Variants in WWC1 observed in about 807,000 individuals in gnomAD.
The protein encoded by WWC1 is protein KIBRA.
WWC1 carries 55 observed loss-of-function variants against 138.4 expected under a neutral mutation model. The observed-to-expected ratio is 0.40, with a 90% confidence interval of 0.32 to 0.50. The LOEUF (loss-of-function observed/expected upper bound fraction) is 0.50, where lower values mean the gene tolerates loss of function less well. WWC1 is among the 20% of genes least tolerant of loss of function. The pLI, the probability that WWC1 is intolerant of heterozygous loss-of-function variation, is 0.72. For missense variants in WWC1, 1,226 were observed against 1,420.4 expected (o/e 0.86, Z 2.20); for synonymous variants, 524 against 564.9 (o/e 0.93, Z 1.03).
In WWC1 at chr5:168,416,805, A is replaced by G. The variant is rs879871723; in HGVS notation, c.1184+2215A>G. ...TTAACATTTGTTAGTAGGTTCTTGG[A>G]AAACTGTGACTTTAAGCAAAACTAC... On this transcript the variant is annotated intron_variant, in intron 9 of 22. Transcript: ENST00000265293. Among the ~76,000 whole-genome samples the G allele has an allele frequency of 2.1e-4, 32 of 152,252 alleles. 1 individual carries two copies. The highest frequency in any genetic ancestry group is 3.3e-4 in the Admixed American group (5 of 15,286).
rs114541763 is a variant in WWC1 at position 168,349,053 on chromosome 5, C to T, written c.120-22371C>T. Among the ~76,000 whole-genome samples, 29 of 152,192 alleles carry T rather than the reference C, an allele frequency of 1.9e-4. 1 individual carries two copies. Among genetic ancestry groups the T allele is most frequent in the South Asian group, 1.2e-3 (6 of 4,812 alleles). ...TGAGGCACAGCAAGGTTAATACGCC[C>T]GAGATTCAAGAGCTGGCAGGTGACA... On this transcript the variant is annotated intron_variant, in intron 1 of 22. Transcript: ENST00000265293.
intron 9 of WWC1, chr5:168,415,808 G>GT (rs1780578310): frequency 1.4e-5 from 1 of 71,758 alleles, no homozygotes; most frequent in Non-Finnish European, 3.0e-5. Context: ...TGGGGGGGGG[G>GT]GGGGGGCGTG....
rs779882115 is a variant in WWC1, at chr5:168,441,754, A to G, written c.2353A>G (p.Ser785Gly). The G allele has an allele frequency of 1.4e-5, 22 of 1,614,044 alleles. No homozygotes were observed. The highest frequency in any genetic ancestry group is 1.7e-5 in the Non-Finnish European group (20 of 1,180,010). Residue 785 changes from serine (S) to glycine (G), a missense_variant, in exon 16 of 23, where the codon AGC becomes GGC. Physicochemically the swap from Ser to Gly is moderately conservative, Grantham distance 56. Coordinates refer to ENST00000265293, the MANE Select transcript of WWC1 (RefSeq NM_015238.3). ...GTCGACTCGCTGGTACAACCTTCTCAGCTACAAATACTTGAAGAAACAGAG... is the reference window on the plus strand; with the variant it reads ...GTCGACTCGCTGGTACAACCTTCTCGGCTACAAATACTTGAAGAAACAGAG... ...ERSTRWYNLLSYKYLKKQSRE... is the reference protein window; with the variant it reads ...ERSTRWYNLLGYKYLKKQSRE...
At chr5:168,372,022 CG>C in intron 2 of WWC1, among the ~76,000 whole-genome samples, 1 of 145,804 alleles carries the variant, frequency 6.9e-6, no homozygotes, top group Non-Finnish European at 1.5e-5. Context: ...AGTGAATTGG[CG>C]AGAGAGAGAG....
At chr5:168,315,991 A>G (rs1771553441) in intron 1 of WWC1, among the ~76,000 whole-genome samples, 1 of 152,116 alleles carries the variant, frequency 6.6e-6, no homozygotes, top group South Asian at 2.1e-4. Flanking sequence ...CTACAGAAAA[A>G]CAGATGAAAG....
intron 1 of WWC1, among the ~76,000 whole-genome samples, chr5:168,330,679 G>A (rs1772955725): frequency 1.3e-5 from 2 of 152,104 alleles, no homozygotes; most frequent in Admixed American, 1.3e-4. Context: ...TCTGGAAGGG[G>A]TTGGGGCTGT....
At chr5:168,450,631 A>C (rs1021616429) in intron 17 of WWC1, among the ~76,000 whole-genome samples, 1 of 152,140 alleles carries the variant, frequency 6.6e-6, no homozygotes, top group Non-Finnish European at 1.5e-5. Flanking sequence ...GCACCACTGC[A>C]CTCCAGCCTG....
At chr5:168,441,272 A>T (rs1754731598) in intron 15 of WWC1, among the ~76,000 whole-genome samples, 1 of 152,174 alleles carries the variant, frequency 6.6e-6, no homozygotes, top group Admixed American at 6.5e-5. Context: ...GGGGAAGGGG[A>T]AAAAGAGGTT....
intron 17 of WWC1, among the ~76,000 whole-genome samples, chr5:168,446,960 T>C (rs1755332224): frequency 6.6e-6 from 1 of 152,226 alleles, no homozygotes; most frequent in African/African-American, 2.4e-5. Context: ...CAGACAGATA[T>C]GGATCTGGAG....
chr5:168,309,145 G>A (rs887437333), intron 1 of WWC1, among the ~76,000 whole-genome samples: 2 of 150,800 alleles, frequency 1.3e-5, no homozygotes, highest in African/African-American at 2.5e-5. Context: ...TTCCTTTACA[G>A]GGTCATCCTC....
Position 168,292,140 on chromosome 5 carries a change from A to G in WWC1, c.-13A>G. 6 of 1,533,118 alleles carry G rather than the reference A, an allele frequency of 3.9e-6. No individual in the cohort carries two copies. The highest frequency in any genetic ancestry group is 5.3e-6 in the Non-Finnish European group (6 of 1,139,584). 95.0% of individuals were successfully genotyped at this position (1,533,118 alleles called of 1,614,324 possible). The stretch of plus-strand genomic sequence containing the variant: ...GGGAGCTGCATGGGGGAGCGCCGGC[A>G]GCGCTTGGGAAGATGCCCCGGCCGG... On this transcript the variant is annotated 5_prime_UTR_variant, in exon 1 of 23. Transcript: ENST00000265293. The surrounding 1 kb of genome is among the most constrained non-coding windows in gnomAD (Gnocchi z 4.4).
In WWC1 at chr5:168,300,176, T is replaced by C. The variant is rs113767626; in HGVS notation, c.119+7905T>C. On this transcript the variant is annotated intron_variant, in intron 1 of 22. Transcript: ENST00000265293. ...TTCAGTTGCTGCTGCCTCGAATCCG[T>C]TTCAGAGTGAGATAAAGAAAGAGAA... Among the ~76,000 whole-genome samples, 17 of 152,222 alleles carry C rather than the reference T, an allele frequency of 1.1e-4. 3 individuals are homozygous for C. The highest frequency in any genetic ancestry group is 4.1e-4 in the African/African-American group (17 of 41,548).
chr5:168,321,139 A>G (rs767978694), intron 1 of WWC1, among the ~76,000 whole-genome samples: 1 of 152,148 alleles, frequency 6.6e-6, no homozygotes, highest in Non-Finnish European at 1.5e-5. Flanking sequence ...CGTATTTGGT[A>G]GGACATCCCC....
intron 15 of WWC1, among the ~76,000 whole-genome samples, chr5:168,434,074 G>A (rs1002080079): frequency 3.3e-5 from 5 of 152,242 alleles, no homozygotes; most frequent in Non-Finnish European, 7.3e-5. Flanking sequence ...ACTTGAAGGG[G>A]TTGGCAAGCC....
At chr5:168,298,620 A>C (rs905132317) in intron 1 of WWC1, among the ~76,000 whole-genome samples, 5 of 152,208 alleles carry the variant, frequency 3.3e-5, no homozygotes, top group Non-Finnish European at 7.3e-5. Context: ...AGGGAGAAGC[A>C]AGAGATTTGG....
intron 18 of WWC1, among the ~76,000 whole-genome samples, chr5:168,454,714 G>T (rs929016413): frequency 1.3e-5 from 2 of 152,198 alleles, no homozygotes; most frequent in Non-Finnish European, 2.9e-5. Flanking sequence ...TAGGACCTGG[G>T]CCCTCGTTCT....
intron 1 of WWC1, among the ~76,000 whole-genome samples, chr5:168,307,465 A>T (rs1581872534): frequency 6.6e-6 from 1 of 152,026 alleles, no homozygotes. Context: ...TTTAGCAGAT[A>T]TCCCTCTCTC....
rs200626560 is a variant in WWC1, at chr5:168,292,136, C to T, written c.-17C>T. On this transcript the variant is annotated 5_prime_UTR_variant, in exon 1 of 23. Coordinates refer to ENST00000265293, the MANE Select transcript of WWC1 (RefSeq NM_015238.3). This position sits in a 1 kb window ranked among gnomAD's most constrained non-coding sequence, Gnocchi z 4.4. The stretch of plus-strand genomic sequence containing the variant: ...GGCCGGGAGCTGCATGGGGGAGCGC[C>T]GGCAGCGCTTGGGAAGATGCCCCGG... The T allele has an allele frequency of 6.5e-7, 1 of 1,533,966 alleles. No homozygotes were observed. Among genetic ancestry groups the T allele is most frequent in the East Asian group, 2.6e-5 (1 of 38,964 alleles).
At chr5:168,332,566 G>A (rs1773123547) in intron 1 of WWC1, among the ~76,000 whole-genome samples, 1 of 152,182 alleles carries the variant, frequency 6.6e-6, no homozygotes, top group Non-Finnish European at 1.5e-5. Flanking sequence ...CTGCTGATAT[G>A]TCTGTGAAAA....
Sources: allele counts gnomAD v4.1 joint callset (sites outside exome capture counted in the v4.1 genomes callset), GRCh38; gene constraint gnomAD v4.1.1; non-coding constraint Gnocchi (gnomAD v3.1); transcripts MANE v1.5; gene names NCBI Gene and HGNC (gene_info 2026-07-23, HGNC 2026-07-21).